The following RGMA variants were observed in gnomAD, a reference collection of about 807,000 sequenced individuals.
The protein encoded by RGMA is repulsive guidance molecule BMP co-receptor a, also known as repulsive guidance molecule A.
RGMA carries 10 observed loss-of-function variants against 23.2 expected under a neutral mutation model. The observed-to-expected ratio is 0.43, with a 90% confidence interval of 0.27 to 0.73. The LOEUF is 0.73. Ranked by LOEUF, RGMA falls within the 30% of genes least tolerant of loss-of-function variation. The pLI is 0.20. For synonymous variants in RGMA, 308 were observed against 279.3 expected (o/e 1.10, Z -1.03); for missense variants, 547 against 630.5 (o/e 0.87, Z 1.42).
At chr15:93,080,093 T>C (rs1336002161) in intron 1 of RGMA, among the ~76,000 whole-genome samples, 1 of 151,940 alleles carries the variant, frequency 6.6e-6, no homozygotes, top group African/African-American at 2.4e-5. Flanking sequence ...ATTTAAAAAT[T>C]TTACCAAAAT....
At chr15:93,081,248 ACTGGCT>A (rs1895554660) in intron 1 of RGMA, among the ~76,000 whole-genome samples, 1 of 152,152 alleles carries the variant, frequency 6.6e-6, no homozygotes. Context: ...GTGAATAGAT[ACTGGCT>A]CTGTAACTAA....
At chr15:93,073,534 A>G in intron 1 of RGMA, 3 of 1,468,756 alleles carry the variant, frequency 2.0e-6, no homozygotes, top group Non-Finnish European at 2.7e-6. Context: ...AAGTAGAAAA[A>G]CTGTCCTTGG....
intron 1 of RGMA, among the ~76,000 whole-genome samples, chr15:93,078,600 C>T (rs1895510448): frequency 6.6e-6 from 1 of 152,192 alleles, no homozygotes; most frequent in Non-Finnish European, 1.5e-5. Context: ...AGACTTTGAT[C>T]ATATCGCCTT....
intron 2 of RGMA, among the ~76,000 whole-genome samples, chr15:93,068,038 A>G (rs1372410126): frequency 2.0e-5 from 3 of 152,148 alleles, no homozygotes; most frequent in African/African-American, 7.2e-5. Flanking sequence ...AGTCCCTAAC[A>G]GATACAGGCT....
At chr15:93,084,028 A>C (rs890426433) in intron 1 of RGMA, among the ~76,000 whole-genome samples, 2 of 152,208 alleles carry the variant, frequency 1.3e-5, no homozygotes, top group Non-Finnish European at 2.9e-5. Flanking sequence ...AGACACCAAA[A>C]CTTCCAAACA....
Position 93,088,908 on chromosome 15 carries a change from C to T in RGMA, c.14+11G>A. On this transcript the variant is annotated intron_variant, in intron 1 of 3. Transcript: ENST00000329082. ...AGAGCCGGGTCTGCCCGGCTCCCGACCCGCGCTTACCTTGGCGGCTGCATG... is the reference window on the plus strand; with the variant it reads ...AGAGCCGGGTCTGCCCGGCTCCCGATCCGCGCTTACCTTGGCGGCTGCATG... 2 of 1,469,598 alleles carry T rather than the reference C, an allele frequency of 1.4e-6. No homozygotes were observed. Among genetic ancestry groups the T allele is most frequent in the South Asian group, 2.6e-5 (2 of 76,894 alleles). 91.0% of individuals were successfully genotyped at this position (1,469,598 alleles called of 1,614,324 possible).
rs761833666 is a variant in RGMA, at chr15:93,088,951, G to T, written c.-19C>A. The T allele has an allele frequency of 7.2e-6, 10 of 1,397,684 alleles. No homozygotes were observed. Among genetic ancestry groups the T allele is most frequent in the Non-Finnish European group, 9.2e-6 (10 of 1,083,616 alleles). 86.6% of individuals were successfully genotyped at this position (1,397,684 alleles called of 1,614,324 possible). ...GCTGCATGAGCCCCTGCGGCCCGCG[G>T]GGGGTGGCGCTGGCGGGGCTGCGGG... On this transcript the variant is annotated 5_prime_UTR_variant, in exon 1 of 4. Transcript: ENST00000329082.
rs559949259 is a variant in RGMA, at chr15:93,040,299, A to G, written c.*4699T>C. On this transcript the variant is annotated 3_prime_UTR_variant, in exon 4 of 4. Coordinates refer to ENST00000329082, the MANE Select transcript of RGMA (RefSeq NM_020211.3). Reference sequence around the variant, plus strand: ...CTTCCTCTGGCAACTGGAGTCAAACATCAAGTCCTCCCGGAGCCGGAGAGC... The same window carrying G: ...CTTCCTCTGGCAACTGGAGTCAAACGTCAAGTCCTCCCGGAGCCGGAGAGC... 1.3e-5 allele frequency: 2 copies of G among 152,466 alleles called. No homozygotes were observed. Among genetic ancestry groups the G allele is most frequent in the East Asian group, 1.9e-4 (1 of 5,190 alleles). 9.4% of individuals were successfully genotyped at this position (152,466 alleles called of 1,614,324 possible). A position where few individuals can be genotyped will look rare whatever the true frequency, so the allele number is the denominator to read the frequency against.
At position 93,044,626 on chromosome 15, in the gene RGMA, G is replaced by A. The variant is rs917786958; in HGVS notation, c.*372C>T. The A allele has an allele frequency of 2.1e-4, 61 of 291,234 alleles. No individual in the cohort carries two copies. Among genetic ancestry groups the A allele is most frequent in the South Asian group, 1.1e-3 (21 of 19,526 alleles). The allele number at this position is 291,234 out of a possible 1,614,324, so 18.0% of individuals were successfully genotyped here. ...CCCCACGGATCGGCGAGCAGCAGTC[G>A]GCCGGGCCTTTCAGTGCATTGCGAG... On this transcript the variant is annotated 3_prime_UTR_variant, in exon 4 of 4. Transcript: ENST00000329082.
At chr15:93,049,702 G>A (rs28466568) in intron 3 of RGMA, among the ~76,000 whole-genome samples, 77,744 of 152,122 alleles carry the variant, frequency 0.51, 20,648 homozygotes, top group East Asian at 0.91. Context: ...CTTCTGCACA[G>A]GAAGGCAAAT....
At chr15:93,088,441 G>A in intron 1 of RGMA, 1 of 985,992 alleles carries the variant, frequency 1.0e-6, no homozygotes, top group Non-Finnish European at 1.2e-6. Flanking sequence ...CCGCCGGGAC[G>A]CGAGCCCACG....
chr15:93,061,052 G>A (rs1242894607), intron 2 of RGMA, among the ~76,000 whole-genome samples: 2 of 152,234 alleles, frequency 1.3e-5, no homozygotes, highest in Non-Finnish European at 2.9e-5. Flanking sequence ...TCCTCTAGGA[G>A]GTGGCCGCTG....
Position 93,045,053 on chromosome 15 carries a change from CG to C in RGMA, c.1297del (p.Arg433GlyfsTer74). On this transcript the variant is annotated frameshift_variant, in exon 4 of 4. Transcript: ENST00000329082. LOFTEE classifies it low-confidence loss of function (END_TRUNC). This position sits in a 1 kb window ranked among gnomAD's most constrained non-coding sequence, Gnocchi z 6.9. ...CGGGACGAGGGCGCCCAGGAGGGGC[CG>C]GGGGGCCAGGGGCAGCCCCGCAGCC... ...RAAAGLPLAP[R>X]PLLGALVPLL... 3 of 1,577,334 alleles carry C rather than the reference CG, an allele frequency of 1.9e-6. No homozygotes were observed. The highest frequency in any genetic ancestry group is 2.6e-6 in the Non-Finnish European group (3 of 1,161,612).
At chr15:93,049,276 G>A (rs139085098) in intron 3 of RGMA, among the ~76,000 whole-genome samples, 112 of 152,330 alleles carry the variant, frequency 7.4e-4, no homozygotes, top group African/African-American at 2.6e-3. Context: ...CGGGGTACAC[G>A]AGGGAGAAGA....
At chr15:93,066,389 G>A in intron 2 of RGMA, 2 of 711,092 alleles carry the variant, frequency 2.8e-6, no homozygotes, top group South Asian at 1.4e-5. Flanking sequence ...CGTGACTCCA[G>A]GTGGGGGAAA....
chr15:93,073,743 C>T (rs1229107894), intron 1 of RGMA: 1 of 1,537,156 alleles, frequency 6.5e-7, no homozygotes, highest in South Asian at 1.2e-5. Context: ...CCGTCGTGGC[C>T]CCAGGCCACC....
At chr15:93,075,101 T>C (rs1895450345) in intron 1 of RGMA, among the ~76,000 whole-genome samples, 1 of 151,810 alleles carries the variant, frequency 6.6e-6, no homozygotes. Context: ...AGGACTTTTT[T>C]TTTTTTTTTC....
At chr15:93,082,877 GA>G in intron 1 of RGMA, among the ~76,000 whole-genome samples, 1 of 152,246 alleles carries the variant, frequency 6.6e-6, no homozygotes, top group Non-Finnish European at 1.5e-5. Context: ...ACAACAGGAA[GA>G]TATTTAGGTA....
chr15:93,071,962 T>C (rs986161622), intron 2 of RGMA, among the ~76,000 whole-genome samples: 3 of 152,364 alleles, frequency 2.0e-5, no homozygotes, highest in Middle Eastern at 6.8e-3. Context: ...TTGTGTTTAT[T>C]TGTATTTTTA....
Sources: gnomAD v4.1 joint callset for allele counts (sites outside exome capture counted in the v4.1 genomes callset) on GRCh38, gnomAD v4.1.1 for gene constraint, Gnocchi (gnomAD v3.1) non-coding constraint, MANE v1.5 for transcripts, NCBI Gene and HGNC (gene_info 2026-07-23, HGNC 2026-07-21) for gene names.